CTNNA3: variants seen among roughly 807,000 people sequenced by gnomAD.
CTNNA3 encodes catenin alpha 3.
In CTNNA3, 76 loss-of-function variants were observed where a neutral mutation model predicts 95.7. The ratio of observed to expected loss-of-function variants is 0.79; its 90% CI spans 0.66 to 0.96. The LOEUF is 0.96. Ranked by LOEUF, CTNNA3 falls within the 40% of genes least tolerant of loss-of-function variation. The pLI, the probability that CTNNA3 is intolerant of heterozygous loss-of-function variation, is 0.00. For missense variants in CTNNA3, 1,191 were observed against 1,089.8 expected, an observed-to-expected ratio of 1.09 and a Z score of -1.31; for synonymous variants, 431 against 374.4, an observed-to-expected ratio of 1.15 and a Z score of -1.74.
chr10:67,454,486 C>A (rs1001363998), intron 5 of CTNNA3, among the ~76,000 whole-genome samples: 5 of 152,028 alleles, frequency 3.3e-5, no homozygotes, highest in Non-Finnish European at 7.4e-5. Context: ...ACGTCTATTT[C>A]GAAACATAGG....
chr10:66,355,455 T>C (rs2092601565), intron 12 of CTNNA3, among the ~76,000 whole-genome samples: 1 of 152,030 alleles, frequency 6.6e-6, no homozygotes, highest in Non-Finnish European at 1.5e-5. Context: ...CGAATGACGC[T>C]TCCCTCTAAC....
intron 12 of CTNNA3, among the ~76,000 whole-genome samples, chr10:66,292,082 C>A (rs1209539363): frequency 6.6e-6 from 1 of 151,560 alleles, no homozygotes; most frequent in Non-Finnish European, 1.5e-5. Flanking sequence ...CAGATACACA[C>A]ACACACACAC....
At chr10:66,104,481 G>C (rs1482829375) in intron 13 of CTNNA3, among the ~76,000 whole-genome samples, 2 of 152,100 alleles carry the variant, frequency 1.3e-5, no homozygotes, top group Non-Finnish European at 2.9e-5. Flanking sequence ...GGATACAAGT[G>C]GGTTTTGGTT....
intron 12 of CTNNA3, among the ~76,000 whole-genome samples, chr10:66,360,596 C>CTTCTTTCTTTTTCTTTCT (rs1564895690): frequency 1.4e-4 from 13 of 94,078 alleles, no homozygotes; most frequent in Non-Finnish European, 3.0e-4. Context: ...GTATTCTTTC[C>CTTCTTTCTTTTTCTTTCT]TTCTTTCTTT....
intron 5 of CTNNA3, among the ~76,000 whole-genome samples, chr10:67,483,030 T>C (rs1848298644): frequency 6.6e-6 from 1 of 152,136 alleles, no homozygotes; most frequent in South Asian, 2.1e-4. Context: ...TCACCATCAC[T>C]GGCCATCAGA....
chr10:66,871,038 G>T (rs1310553676), intron 7 of CTNNA3, among the ~76,000 whole-genome samples: 5 of 152,084 alleles, frequency 3.3e-5, no homozygotes, highest in African/African-American at 1.2e-4. Flanking sequence ...TTAGAAAAAG[G>T]GCTTTGTTGC....
intron 1 of CTNNA3, among the ~76,000 whole-genome samples, chr10:67,709,410 T>A (rs1841094848): frequency 6.6e-6 from 1 of 152,136 alleles, no homozygotes; most frequent in Non-Finnish European, 1.5e-5. Context: ...GCATGGGATG[T>A]GGGGACAATT....
chr10:67,683,306 C>T (rs1156426250), intron 1 of CTNNA3, among the ~76,000 whole-genome samples: 1 of 152,220 alleles, frequency 6.6e-6, no homozygotes. Flanking sequence ...CCCCCATCCA[C>T]AAAAACACAC....
At chr10:66,988,979 C>T (rs1418140375) in intron 7 of CTNNA3, among the ~76,000 whole-genome samples, 1 of 151,584 alleles carries the variant, frequency 6.6e-6, no homozygotes, top group Non-Finnish European at 1.5e-5. Flanking sequence ...GGGCTTTGGT[C>T]CTCGATGTTT....
chr10:66,493,301 TTGCAAAACCACAA>T (rs1839985584), intron 11 of CTNNA3, among the ~76,000 whole-genome samples: 1 of 152,184 alleles, frequency 6.6e-6, no homozygotes, highest in African/African-American at 2.4e-5. Context: ...TGCATTTCTT[TTGCAAAACCACAA>T]TGCAGGACAG....
At chr10:67,641,100 T>C (rs1407096623) in intron 2 of CTNNA3, among the ~76,000 whole-genome samples, 2 of 152,154 alleles carry the variant, frequency 1.3e-5, no homozygotes, top group Admixed American at 6.5e-5. Flanking sequence ...TTTTGCAATC[T>C]AGTCATCTGA....
At chr10:67,373,867 T>G (rs541215284) in intron 5 of CTNNA3, among the ~76,000 whole-genome samples, 2 of 152,252 alleles carry the variant, frequency 1.3e-5, no homozygotes, top group African/African-American at 4.8e-5. Context: ...TCACTGTACA[T>G]TTCATATATA....
rs2079162985 is a variant in CTNNA3, at chr10:66,019,731, A to ACTC, written c.2160-30935_2160-30934insGAG. 2.0e-5 allele frequency among the ~76,000 whole-genome samples: 3 copies of ACTC among 152,158 alleles called. No homozygotes were observed. In the South Asian group the frequency reaches 6.2e-4, roughly 32 times the overall value. On this transcript the variant is annotated intron_variant, in intron 15 of 17. Coordinates refer to ENST00000433211, the MANE Select transcript of CTNNA3 (RefSeq NM_013266.4). ...ATTTAAATAAAAGAAATGGGCAAAA[A>ACTC]AAATAGTTAAAAAATTGCTTAGTGT... is the stretch of plus-strand genomic sequence containing the variant.
At chr10:66,964,941 G>A (rs1747518175) in intron 7 of CTNNA3, among the ~76,000 whole-genome samples, 1 of 152,078 alleles carries the variant, frequency 6.6e-6, no homozygotes. Context: ...GTTACATTTT[G>A]GAATAATAGA....
At chr10:67,084,955 T>C (rs574547329) in intron 7 of CTNNA3, among the ~76,000 whole-genome samples, 1 of 152,062 alleles carries the variant, frequency 6.6e-6, no homozygotes, top group South Asian at 2.1e-4. Context: ...CCTTGTATGT[T>C]ATAAATATCA....
In CTNNA3 at chr10:67,052,348, C is replaced by CTCTT. The variant is rs1554906453; in HGVS notation, c.1047+127968_1047+127969insAAGA. On this transcript the variant is annotated intron_variant, in intron 7 of 17. Coordinates refer to ENST00000433211, the MANE Select transcript of CTNNA3 (RefSeq NM_013266.4). ...TCTCTCTCTCTCTCTCTCTCTCTCT[C>CTCTT]TCTCTCATTAAAAGCACTAAGCGGC... Among the ~76,000 whole-genome samples the CTCTT allele has an allele frequency of 1.7e-3, 235 of 134,358 alleles. 19 individuals are homozygous for CTCTT. The highest frequency in any genetic ancestry group is 3.7e-3 in the Middle Eastern group (1 of 272). 88.1% of individuals were successfully genotyped at this position (134,358 alleles called of 152,430 possible). A position where few individuals can be genotyped will look rare whatever the true frequency, so the allele number is the denominator to read the frequency against.
intron 13 of CTNNA3, among the ~76,000 whole-genome samples, chr10:66,252,032 A>G (rs909374304): frequency 1.3e-5 from 2 of 152,196 alleles, no homozygotes; most frequent in African/African-American, 2.4e-5. Flanking sequence ...AAAACCATCA[A>G]TTTAATCTCA....
intron 12 of CTNNA3, among the ~76,000 whole-genome samples, chr10:66,303,252 A>G (rs950195877): frequency 2.6e-5 from 4 of 152,164 alleles, no homozygotes; most frequent in Non-Finnish European, 5.9e-5. Context: ...AAAAAAATGT[A>G]CAAACTACAA....
intron 9 of CTNNA3, among the ~76,000 whole-genome samples, chr10:66,682,638 CTT>C (rs55925717): frequency 0.15 from 20,656 of 141,644 alleles, 1,708 homozygotes; most frequent in Middle Eastern, 0.19. Context: ...TGGAGGCTTT[CTT>C]TTTTTTTTTT....
Sources: allele counts gnomAD v4.1 joint callset (sites outside exome capture counted in the v4.1 genomes callset), GRCh38; gene constraint gnomAD v4.1.1; transcripts MANE v1.5; gene names NCBI Gene and HGNC (gene_info 2026-07-23, HGNC 2026-07-21).